ARL15: variants seen among roughly 807,000 people sequenced by gnomAD.
ARL15 encodes ADP-ribosylation factor-like protein 15.
Under a neutral mutation model 25.2 loss-of-function variants are expected in ARL15, and 19 were observed. The observed-to-expected ratio is 0.75, with a 90% CI of 0.53 to 1.10. The LOEUF (loss-of-function observed/expected upper bound fraction) is 1.10, where lower values mean the gene tolerates loss of function less well. Ranked by LOEUF, ARL15 falls within the 50% of genes least tolerant of loss-of-function variation. ARL15 has a pLI of 0.00. For missense variants in ARL15, 220 were observed against 246.0 expected, an observed-to-expected ratio of 0.89 and a Z score of 0.71; for synonymous variants, 94 against 86.8, an observed-to-expected ratio of 1.08 and a Z score of -0.46.
At chr5:54,194,777 A>G (rs1216099572) in intron 1 of ARL15, among the ~76,000 whole-genome samples, 1 of 152,200 alleles carries the variant, frequency 6.6e-6, no homozygotes, top group Non-Finnish European at 1.5e-5. Context: ...CTGAAAGGTT[A>G]AGCTTGGAAA....
rs762249368 is a variant in ARL15 at position 54,310,507 on chromosome 5, T to G, written c.-28A>C. 6.9e-6 allele frequency: 11 copies of G among 1,583,512 alleles called. No individual in the cohort carries two copies. The African/African-American group carries it at 8.2e-5, about 12-fold the overall frequency. ...GGCAGCCTAAAGCATCCGGAACGGC[T>G]CCGAACCCGGAAAAAAAAAGCAGCG... is the stretch of plus-strand genomic sequence containing the variant. On this transcript the variant is annotated 5_prime_UTR_variant, in exon 1 of 5. Coordinates refer to ENST00000504924, the MANE Select transcript of ARL15 (RefSeq NM_019087.3).
chr5:54,126,806 ACTT>A (rs1561234019), intron 3 of ARL15, among the ~76,000 whole-genome samples: 1 of 151,496 alleles, frequency 6.6e-6, no homozygotes, highest in Non-Finnish European at 1.5e-5. Context: ...GAGCTAATAA[ACTT>A]CTTTTTTTAA....
At chr5:54,124,736 A>G (rs536817323) in intron 3 of ARL15, among the ~76,000 whole-genome samples, 103 of 152,382 alleles carry the variant, frequency 6.8e-4, no homozygotes, top group African/African-American at 2.4e-3. Context: ...TATACTTGCC[A>G]TAATGGCATC....
chr5:54,039,551 G>C (rs534698506), intron 4 of ARL15, among the ~76,000 whole-genome samples: 2 of 152,154 alleles, frequency 1.3e-5, no homozygotes, highest in African/African-American at 4.8e-5. Context: ...TGTAATCCCA[G>C]CACTTTAGGA....
intron 1 of ARL15, among the ~76,000 whole-genome samples, chr5:54,197,806 A>G (rs1401231984): frequency 6.6e-6 from 1 of 152,190 alleles, no homozygotes; most frequent in Non-Finnish European, 1.5e-5. Context: ...TGAGGCCAGC[A>G]TCATCCTGAT....
intron 1 of ARL15, among the ~76,000 whole-genome samples, chr5:54,186,725 C>A (rs936368055): frequency 1.3e-5 from 2 of 152,096 alleles, no homozygotes; most frequent in Non-Finnish European, 2.9e-5. Context: ...GGCACAAATG[C>A]CTTAAATTAT....
chr5:54,171,199 C>T (rs568689086), intron 2 of ARL15, among the ~76,000 whole-genome samples: 1 of 152,224 alleles, frequency 6.6e-6, no homozygotes, highest in African/African-American at 2.4e-5. Flanking sequence ...CTCTATCCAC[C>T]AGAAGCCAGT....
chr5:54,109,301 T>C (rs947477171), intron 4 of ARL15, among the ~76,000 whole-genome samples: 1 of 152,010 alleles, frequency 6.6e-6, no homozygotes, highest in Non-Finnish European at 1.5e-5. Flanking sequence ...ATTCAACAAA[T>C]ACTTAACACT....
intron 4 of ARL15, among the ~76,000 whole-genome samples, chr5:53,928,417 T>C (rs767222268): frequency 2.0e-5 from 3 of 152,166 alleles, no homozygotes; most frequent in Non-Finnish European, 4.4e-5. Context: ...CTTCCAATTC[T>C]CCAACCTTGC....
intron 1 of ARL15, among the ~76,000 whole-genome samples, chr5:54,272,797 T>C (rs72756250): frequency 0.033 from 4,955 of 152,292 alleles, 160 homozygotes; most frequent in African/African-American, 0.083. Flanking sequence ...GAAGTTAATA[T>C]AGAATACATA....
At chr5:53,952,936 T>C (rs1316265057) in intron 4 of ARL15, among the ~76,000 whole-genome samples, 1 of 152,160 alleles carries the variant, frequency 6.6e-6, no homozygotes, top group African/African-American at 2.4e-5. Flanking sequence ...TACAGAAGAA[T>C]GTTGTTGCTA....
chr5:54,177,383 C>G (rs1754908416), intron 1 of ARL15, among the ~76,000 whole-genome samples: 1 of 152,210 alleles, frequency 6.6e-6, no homozygotes, highest in South Asian at 2.1e-4. Flanking sequence ...AAAGCAGAAG[C>G]AAACCCCTTA....
At chr5:54,129,331 A>G (rs1274019999) in intron 3 of ARL15, among the ~76,000 whole-genome samples, 1 of 151,962 alleles carries the variant, frequency 6.6e-6, no homozygotes, top group African/African-American at 2.4e-5. Context: ...CCACACAGAA[A>G]CCTGGCATAG....
chr5:53,887,430 C>G, intron 4 of ARL15: 1 of 696,682 alleles, frequency 1.4e-6, no homozygotes, highest in Non-Finnish European at 2.6e-6. Context: ...TGCTGAAAAA[C>G]CTGTTCAATT....
At chr5:53,990,193 G>A (rs1748437411) in intron 4 of ARL15, among the ~76,000 whole-genome samples, 1 of 151,774 alleles carries the variant, frequency 6.6e-6, no homozygotes. Flanking sequence ...AGTGAGCCAG[G>A]CTGCACTCCA....
intron 4 of ARL15, among the ~76,000 whole-genome samples, chr5:53,983,852 T>C (rs909337238): frequency 1.3e-5 from 2 of 152,176 alleles, no homozygotes; most frequent in African/African-American, 4.8e-5. Flanking sequence ...TTCAGCATAC[T>C]TTTAATGCTC....
At chr5:54,073,559 A>G (rs573830031) in intron 4 of ARL15, among the ~76,000 whole-genome samples, 4 of 151,976 alleles carry the variant, frequency 2.6e-5, no homozygotes, top group African/African-American at 9.7e-5. Context: ...GCTGGCTTAC[A>G]TGGAGTAGTA....
chr5:53,973,312 G>T (rs749676276), intron 4 of ARL15, among the ~76,000 whole-genome samples: 11 of 152,066 alleles, frequency 7.2e-5, no homozygotes, highest in Non-Finnish European at 1.5e-4. Flanking sequence ...GGTGGCTCAC[G>T]CCTGTAATCC....
chr5:54,160,656 C>T (rs1205592471), intron 2 of ARL15, among the ~76,000 whole-genome samples: 1 of 152,196 alleles, frequency 6.6e-6, no homozygotes, highest in Non-Finnish European at 1.5e-5. Context: ...ACAGGTCCTG[C>T]TCTCTGGAGG....
Sources: allele counts gnomAD v4.1 joint callset (sites outside exome capture counted in the v4.1 genomes callset), GRCh38; gene constraint gnomAD v4.1.1; transcripts MANE v1.5; gene names NCBI Gene and HGNC (gene_info 2026-07-23, HGNC 2026-07-21).